Variants in MARCHF1 observed in about 807,000 individuals in gnomAD.
The protein encoded by MARCHF1 is E3 ubiquitin-protein ligase MARCHF1.
Under a neutral mutation model 54.2 loss-of-function variants are expected in MARCHF1, and 40 were observed. The observed-to-expected ratio is 0.74, with a 90% confidence interval of 0.57 to 0.96. The LOEUF (loss-of-function observed/expected upper bound fraction) is 0.96. Ranked by LOEUF, MARCHF1 falls within the 40% of genes least tolerant of loss-of-function variation. MARCHF1 has a pLI of 0.00. For synonymous variants in MARCHF1, 236 were observed against 236.3 expected (o/e 1.00, Z 0.01); for missense variants, 586 against 656.5 (o/e 0.89, Z 1.17).
At chr4:163,644,724 T>C (rs1335177691) in intron 5 of MARCHF1, among the ~76,000 whole-genome samples, 1 of 152,172 alleles carries the variant, frequency 6.6e-6, no homozygotes, top group East Asian at 1.9e-4. Context: ...CTATAGTTCA[T>C]CTCAACTGTG....
At chr4:164,148,142 A>C (rs994919181) in intron 1 of MARCHF1, among the ~76,000 whole-genome samples, 1 of 147,748 alleles carries the variant, frequency 6.8e-6, no homozygotes, top group African/African-American at 2.5e-5. Flanking sequence ...TTAAAAAAAT[A>C]ACACACACAC....
intron 1 of MARCHF1, among the ~76,000 whole-genome samples, chr4:164,238,348 G>C (rs1732627806): frequency 6.6e-6 from 1 of 151,976 alleles, no homozygotes; most frequent in Non-Finnish European, 1.5e-5. Flanking sequence ...TTAGAAAGTT[G>C]AATCAACAGT....
At chr4:164,096,577 A>G (rs1163634340) in intron 2 of MARCHF1, among the ~76,000 whole-genome samples, 1 of 152,114 alleles carries the variant, frequency 6.6e-6, no homozygotes, top group African/African-American at 2.4e-5. Flanking sequence ...AATTAAAAAA[A>G]AAATTTAAAA....
intron 1 of MARCHF1, among the ~76,000 whole-genome samples, chr4:164,327,890 A>G (rs116792407): frequency 0.02 from 2,990 of 152,318 alleles, 96 homozygotes; most frequent in African/African-American, 0.067. Flanking sequence ...GATTGGCAGG[A>G]AAGTCCAGCA....
At chr4:164,377,038 G>A (rs1324669987) in intron 1 of MARCHF1, among the ~76,000 whole-genome samples, 2 of 152,100 alleles carry the variant, frequency 1.3e-5, no homozygotes, top group African/African-American at 4.8e-5. Flanking sequence ...CTGAATTGAA[G>A]GCAGGCACAA....
At chr4:164,234,582 A>G (rs1400812790) in intron 1 of MARCHF1, among the ~76,000 whole-genome samples, 1 of 152,122 alleles carries the variant, frequency 6.6e-6, no homozygotes, top group Non-Finnish European at 1.5e-5. Context: ...TCTAAAGGAA[A>G]CAGTGAAAGA....
chr4:163,784,216 G>A (rs1391399939), intron 4 of MARCHF1, among the ~76,000 whole-genome samples: 1 of 151,490 alleles, frequency 6.6e-6, no homozygotes, highest in East Asian at 1.9e-4. Flanking sequence ...GGGAACTCAG[G>A]CAAAGAGAAG....
chr4:164,245,636 A>G (rs997503367), intron 1 of MARCHF1, among the ~76,000 whole-genome samples: 5 of 151,994 alleles, frequency 3.3e-5, no homozygotes, highest in African/African-American at 1.2e-4. Context: ...AGGGTATTCA[A>G]TTAGGAAAAG....
chr4:164,263,966 A>G (rs1444492245), intron 1 of MARCHF1, among the ~76,000 whole-genome samples: 1 of 152,220 alleles, frequency 6.6e-6, no homozygotes, highest in Non-Finnish European at 1.5e-5. Flanking sequence ...CAGAGTTACC[A>G]TTCGACCCAG....
chr4:164,131,068 A>G (rs2110816887), intron 1 of MARCHF1, among the ~76,000 whole-genome samples: 1 of 152,266 alleles, frequency 6.6e-6, no homozygotes, highest in South Asian at 2.1e-4. Flanking sequence ...TCTTGGAAGT[A>G]TCAATAAATG....
chr4:163,619,998 C>T (rs1741628151), intron 5 of MARCHF1, among the ~76,000 whole-genome samples: 1 of 152,048 alleles, frequency 6.6e-6, no homozygotes, highest in South Asian at 2.1e-4. Flanking sequence ...ATAAATAATG[C>T]CTCATTTTAT....
At chr4:164,141,230 T>C (rs1027110830) in intron 1 of MARCHF1, among the ~76,000 whole-genome samples, 1 of 152,202 alleles carries the variant, frequency 6.6e-6, no homozygotes, top group African/African-American at 2.4e-5. Flanking sequence ...TTTCTAAGGA[T>C]GGGGGCTTCT....
At position 163,733,077 on chromosome 4, in the gene MARCHF1, G is replaced by A. The variant is rs544719719; in HGVS notation, c.112-32214C>T. On this transcript the variant is annotated intron_variant, in intron 4 of 9. Coordinates refer to ENST00000514618, the MANE Select transcript of MARCHF1 (RefSeq NM_001394959.1). ...TGAGGCAGGAGAATCACTTGAACCT[G>A]GGAGGCAGAGGTTGCAGTGAACCAA... Among the ~76,000 whole-genome samples, 74 of 148,672 alleles carry A rather than the reference G, an allele frequency of 5.0e-4. 1 individual carries two copies. The East Asian group carries it at 0.012, about 25-fold the overall frequency.
intron 3 of MARCHF1, among the ~76,000 whole-genome samples, chr4:163,948,919 T>C (rs936559379): frequency 6.6e-6 from 1 of 152,150 alleles, no homozygotes; most frequent in Non-Finnish European, 1.5e-5. Context: ...GTCTAGGGGA[T>C]TGTGAATGGA....
chr4:163,927,340 C>T (rs570849388), intron 3 of MARCHF1, among the ~76,000 whole-genome samples: 2 of 151,810 alleles, frequency 1.3e-5, no homozygotes, highest in Admixed American at 6.6e-5. Flanking sequence ...ACTGCTGGCA[C>T]TATCCTTGTA....
chr4:163,821,125 T>G lies in MARCHF1; in HGVS notation c.111+32896A>C, dbSNP rs191174516. ...TAGGCTTTTATACACACTTTAATCT[T>G]TGCTTATAGTATGCATACCCTTGCA... On this transcript the variant is annotated intron_variant, in intron 4 of 9. Transcript: ENST00000514618. 6.0e-4 allele frequency among the ~76,000 whole-genome samples: 91 copies of G among 152,168 alleles called. 2 individuals are homozygous for G. The highest frequency in any genetic ancestry group is 3.4e-3 in the Middle Eastern group (1 of 294).
chr4:164,264,052 T>C (rs1021132341), intron 1 of MARCHF1, among the ~76,000 whole-genome samples: 1 of 152,202 alleles, frequency 6.6e-6, no homozygotes, highest in African/African-American at 2.4e-5. Flanking sequence ...CAAATGTTCA[T>C]TGCAGCACTG....
At chr4:163,612,209 C>T (rs1341382199) in intron 7 of MARCHF1, 62 bp downstream of exon 7, 1 of 1,372,546 alleles carries the variant, frequency 7.3e-7, no homozygotes, top group Admixed American at 3.2e-5. Context: ...AAACACGCAC[C>T]TAACTCACTG....
intron 2 of MARCHF1, among the ~76,000 whole-genome samples, chr4:164,042,902 G>A (rs532376938): frequency 1.3e-5 from 2 of 152,286 alleles, no homozygotes; most frequent in African/African-American, 2.4e-5. Flanking sequence ...ACCCAGCAGG[G>A]CAGTCATTCA....
Sources: allele counts gnomAD v4.1 joint callset (sites outside exome capture counted in the v4.1 genomes callset), GRCh38; gene constraint gnomAD v4.1.1; transcripts MANE v1.5; gene names NCBI Gene and HGNC (gene_info 2026-07-23, HGNC 2026-07-21).